HMGN3: variants seen among roughly 807,000 people sequenced by gnomAD.
HMGN3 encodes the protein high mobility group nucleosomal binding domain 3.
Under a neutral mutation model 18.8 loss-of-function variants are expected in HMGN3, and 6 were observed. That is an observed-to-expected ratio of 0.32 (90% CI 0.18 to 0.63). The LOEUF (loss-of-function observed/expected upper bound fraction) is 0.63. Among genes scored for constraint, HMGN3 ranks in the 30% least tolerant of loss-of-function variants. HMGN3 has a pLI of 0.79. For missense variants in HMGN3, 107 were observed against 114.2 expected (o/e 0.94, Z 0.29); for synonymous variants, 40 against 36.5 (o/e 1.10, Z -0.35).
intron 1 of HMGN3, among the ~76,000 whole-genome samples, chr6:79,228,462 C>T (rs1454462733): frequency 6.6e-6 from 1 of 152,102 alleles, no homozygotes; most frequent in Non-Finnish European, 1.5e-5. Context: ...GGATGTCAGG[C>T]CCTTTCATAT....
chr6:79,202,601 C>G (rs57045614), intron 4 of HMGN3, among the ~76,000 whole-genome samples: 9 of 152,188 alleles, frequency 5.9e-5, no homozygotes, highest in African/African-American at 2.2e-4. Context: ...ACAGGTTGCA[C>G]AGAAAGTCCA....
chr6:79,227,396 G>A (rs1429790624), intron 1 of HMGN3, among the ~76,000 whole-genome samples: 1 of 152,098 alleles, frequency 6.6e-6, no homozygotes, highest in Non-Finnish European at 1.5e-5. Flanking sequence ...CATCAGGGTG[G>A]GATCTGCTGG....
intron 1 of HMGN3, among the ~76,000 whole-genome samples, chr6:79,216,916 A>G (rs780915417): frequency 8.5e-5 from 13 of 152,210 alleles, no homozygotes; most frequent in Non-Finnish European, 1.3e-4. Flanking sequence ...CTCTCTACCT[A>G]TAATTGATAG....
chr6:79,222,054 T>A (rs1311211500), intron 1 of HMGN3, among the ~76,000 whole-genome samples: 1 of 152,158 alleles, frequency 6.6e-6, no homozygotes, highest in Non-Finnish European at 1.5e-5. Flanking sequence ...AGGCCTACAG[T>A]AATTATGAAA....
chr6:79,207,602 TAA>T (rs1776483300), intron 3 of HMGN3, among the ~76,000 whole-genome samples: 4 of 152,224 alleles, frequency 2.6e-5, no homozygotes, highest in Admixed American at 2.6e-4. Context: ...GAAAACAGAC[TAA>T]TATACTTCCT....
chr6:79,225,844 T>C (rs1156323790), intron 1 of HMGN3, among the ~76,000 whole-genome samples: 5 of 152,296 alleles, frequency 3.3e-5, no homozygotes, highest in Middle Eastern at 3.4e-3. Context: ...AGAACAGAAC[T>C]GCACCCTGAG....
chr6:79,202,433 G>T lies in HMGN3; in HGVS notation c.148-44C>A, dbSNP rs750692232. On this transcript the variant is annotated intron_variant, in intron 4 of 5. Coordinates refer to ENST00000344726, the Ensembl canonical transcript of HMGN3. ...ACAGTGAAAGAGAATGTTAGACACG[G>T]TGTGATGATGGCTAAAATCAATCAG... 2.8e-6 allele frequency: 4 copies of T among 1,424,924 alleles called. No homozygotes were observed. The South Asian group carries it at 4.6e-5, about 16-fold the overall frequency. The allele number at this position is 1,424,924 out of a possible 1,614,324, so 88.3% of individuals were successfully genotyped here.
At chr6:79,232,709 C>T (rs1009894268) in intron 1 of HMGN3, among the ~76,000 whole-genome samples, 3 of 151,670 alleles carry the variant, frequency 2.0e-5, no homozygotes, top group Admixed American at 2.0e-4. Flanking sequence ...AGGGTTCCAT[C>T]GTCAGGGTCC....
rs969367026 is a variant in HMGN3, at chr6:79,214,395, G to T, written c.66+577C>A. Among the ~76,000 whole-genome samples, 5 of 151,856 alleles carry T rather than the reference G, an allele frequency of 3.3e-5. No homozygotes were observed. The South Asian group carries it at 8.3e-4, about 25-fold the overall frequency. The stretch of plus-strand genomic sequence containing the variant: ...TTTTTATATTTTTAGTAGAGATGGG[G>T]TTTCACCGTGTTAGCCAGGATGGTC... On this transcript the variant is annotated intron_variant, in intron 2 of 5. Transcript: ENST00000344726.
intron 2 of HMGN3, among the ~76,000 whole-genome samples, chr6:79,209,389 G>A (rs1176272847): frequency 6.6e-6 from 1 of 152,108 alleles, no homozygotes. Context: ...ACCTACGGTG[G>A]CTCCCCAAGG....
At chr6:79,226,192 T>A (rs1426810966) in intron 1 of HMGN3, among the ~76,000 whole-genome samples, 2 of 152,152 alleles carry the variant, frequency 1.3e-5, no homozygotes, top group Non-Finnish European at 2.9e-5. Context: ...TCTCACTAAA[T>A]CCCAATATTT....
chr6:79,202,503 T>C lies in HMGN3; in HGVS notation c.148-114A>G, dbSNP rs1582394895. 3 of 845,964 alleles carry C rather than the reference T, an allele frequency of 3.5e-6. No homozygotes were observed. In the East Asian group the frequency reaches 7.3e-5, roughly 20 times the overall value. 52.4% of individuals were successfully genotyped at this position (845,964 alleles called of 1,614,324 possible). On this transcript the variant is annotated intron_variant, in intron 4 of 5. Coordinates refer to ENST00000344726, the Ensembl canonical transcript of HMGN3. ...TGAAGTACAACCGTTACCATCATGG[T>C]GGCCTTTATGGAGACACGGGAGCCT...
intron 3 of HMGN3, among the ~76,000 whole-genome samples, chr6:79,207,639 C>G (rs1582404907): frequency 6.6e-6 from 1 of 152,324 alleles, no homozygotes; most frequent in Middle Eastern, 3.4e-3. Flanking sequence ...GAAACACTGG[C>G]TTGCCTGATC....
At chr6:79,203,288 C>G (rs976926508) in intron 4 of HMGN3, among the ~76,000 whole-genome samples, 1 of 152,190 alleles carries the variant, frequency 6.6e-6, no homozygotes, top group Non-Finnish European at 1.5e-5. Flanking sequence ...CCAAACTCAT[C>G]CCCGCTGTGT....
At chr6:79,201,772 T>C (rs1776149085) in intron 5 of HMGN3, 46 bp from the exon 7 acceptor site, 1 of 1,589,640 alleles carries the variant, frequency 6.3e-7, no homozygotes. Context: ...CTACTGAAAC[T>C]ACTATAAGCA....
At chr6:79,218,783 G>A (rs762584701) in intron 1 of HMGN3, among the ~76,000 whole-genome samples, 18 of 152,062 alleles carry the variant, frequency 1.2e-4, no homozygotes, top group South Asian at 2.1e-4. Flanking sequence ...TACTACATAC[G>A]TATGTATGTT....
At chr6:79,232,737 C>T (rs1300715714) in intron 1 of HMGN3, among the ~76,000 whole-genome samples, 1 of 151,998 alleles carries the variant, frequency 6.6e-6, no homozygotes, top group African/African-American at 2.4e-5. Flanking sequence ...ATAAAGTGTG[C>T]ACACCTAACC....
intron 1 of HMGN3, among the ~76,000 whole-genome samples, chr6:79,232,085 T>C (rs1226142778): frequency 6.6e-6 from 1 of 152,240 alleles, no homozygotes; most frequent in Admixed American, 6.5e-5. Context: ...AAAAAAGTAC[T>C]AGGGGGACAT....
exon 2 of HMGN3, chr6:79,214,988 T>A: frequency 6.6e-7 from 1 of 1,517,810 alleles, no homozygotes; most frequent in Non-Finnish European, 9.0e-7. Context: ...TTTAGTTACT[T>A]TGGATCCATC....
Sources: allele counts gnomAD v4.1 joint callset (sites outside exome capture counted in the v4.1 genomes callset), GRCh38; gene constraint gnomAD v4.1.1; transcripts MANE v1.5; gene names NCBI Gene and HGNC (gene_info 2026-07-23, HGNC 2026-07-21).